Variants in CLHC1 observed in about 807,000 individuals in gnomAD.
CLHC1 encodes the protein clathrin heavy chain linker domain-containing protein 1.
CLHC1 carries 72 observed loss-of-function variants against 69.5 expected under a neutral mutation model. The ratio of observed to expected loss-of-function variants is 1.04; its 90% CI spans 0.86 to 1.26. The LOEUF (loss-of-function observed/expected upper bound fraction) is 1.26, where lower values mean the gene tolerates loss of function less well. CLHC1 is among the 50% of genes most tolerant of loss of function. The pLI is 0.00. For synonymous variants in CLHC1, 223 were observed against 224.3 expected (o/e 0.99, Z 0.05); for missense variants, 790 against 679.3 (o/e 1.16, Z -1.81).
intron 5 of CLHC1, among the ~76,000 whole-genome samples, chr2:55,211,327 C>G (rs1251451114): frequency 6.6e-6 from 1 of 151,744 alleles, no homozygotes; most frequent in East Asian, 1.9e-4. Flanking sequence ...CGGTGAAACC[C>G]CGTCTCTCCT....
Position 55,181,576 on chromosome 2 carries a change from T to C in CLHC1, c.1175A>G (p.Gln392Arg), listed in dbSNP as rs1212270868. ...RLDLVTNWVT[Q>R]ERLTFSEEAG... ...AAAGCTTAACTTTGCTTACCTTTCCTGTGTAACCCAATTGGTAACTAAATC... is the reference window on the plus strand; with the variant it reads ...AAAGCTTAACTTTGCTTACCTTTCCCGTGTAACCCAATTGGTAACTAAATC... The change falls in exon 10 of 13, where the codon CAG becomes CGG. Residue 392 changes from glutamine to arginine, a missense_variant. Gln to Arg is a conservative substitution (Grantham distance 43, BLOSUM62 1). Coordinates refer to ENST00000401408, the MANE Select transcript of CLHC1 (RefSeq NM_152385.4). The C allele has an allele frequency of 6.3e-7, 1 of 1,599,286 alleles. No individual in the cohort carries two copies. The highest frequency in any genetic ancestry group is 1.1e-5 in the South Asian group (1 of 87,610).
chr2:55,215,361 G>A lies in CLHC1; in HGVS notation c.365+2450C>T, dbSNP rs1673398974. 1.3e-5 allele frequency among the ~76,000 whole-genome samples: 2 copies of A among 152,088 alleles called. 1 individual carries two copies. Among genetic ancestry groups the A allele is most frequent in the Admixed American group, 1.3e-4 (2 of 15,264 alleles). ...TCTCTTCATTGTAGAGCTGTGATTAGACATAACAATATGACCTTCCCACTC... is the reference window on the plus strand; with the variant it reads ...TCTCTTCATTGTAGAGCTGTGATTAAACATAACAATATGACCTTCCCACTC... On this transcript the variant is annotated intron_variant, in intron 4 of 12. Transcript: ENST00000401408.
chr2:55,181,679 T>G lies in CLHC1; in HGVS notation c.1072A>C (p.Ser358Arg), dbSNP rs1394753135. ...LLFFEALFITSHAFPCPVDAA... is the reference protein window; with the variant it reads ...LLFFEALFITRHAFPCPVDAA... ...TCAACAGGACATGGAAAAGCATGAC[T>G]TGTGATAAAGAGGGCCTCAAAAAAT... is the stretch of plus-strand genomic sequence containing the variant. The change falls in exon 10 of 13, where the codon AGT becomes CGT. Residue 358 changes from serine to arginine, a missense_variant. Ser to Arg is a moderately radical substitution (Grantham distance 110). Transcript: ENST00000401408. 1.2e-6 allele frequency: 2 copies of G among 1,613,858 alleles called. No individual in the cohort carries two copies. The highest frequency in any genetic ancestry group is 1.7e-5 in the Admixed American group (1 of 60,000).
intron 9 of CLHC1, among the ~76,000 whole-genome samples, chr2:55,185,351 C>G (rs1670324732): frequency 6.6e-6 from 1 of 152,074 alleles, no homozygotes; most frequent in Non-Finnish European, 1.5e-5. Context: ...CTATTCCTCA[C>G]CCAGTCAGAT....
chr2:55,218,050 T>C (rs1673755248), intron 3 of CLHC1, 52 bp from the exon 4 acceptor site: 2 of 942,862 alleles, frequency 2.1e-6, no homozygotes, highest in Non-Finnish European at 3.0e-6. Context: ...TAGGAGGCTA[T>C]GGATTGAAAT....
intron 9 of CLHC1, among the ~76,000 whole-genome samples, chr2:55,185,855 T>C (rs1670367246): frequency 1.3e-5 from 2 of 152,246 alleles, no homozygotes; most frequent in South Asian, 4.1e-4. Context: ...CTGTGAACAT[T>C]ATTTTATTAG....
At position 55,181,236 on chromosome 2, in the gene CLHC1, C is replaced by T. The variant is rs181698988; in HGVS notation, c.1181+334G>A. Among the ~76,000 whole-genome samples the T allele has an allele frequency of 2.1e-4, 32 of 152,290 alleles. No homozygotes were observed. In the East Asian group the frequency reaches 6.2e-3, roughly 29 times the overall value. On this transcript the variant is annotated intron_variant, in intron 10 of 12. Transcript: ENST00000401408. ...CCTCAAGTCATCTGCCCACCTCGGACTCCCAAAATGCTGGGATTACAGGTG... is the reference window on the plus strand; with the variant it reads ...CCTCAAGTCATCTGCCCACCTCGGATTCCCAAAATGCTGGGATTACAGGTG...
chr2:55,196,727 C>T (rs1324896667), intron 9 of CLHC1, among the ~76,000 whole-genome samples: 1 of 152,194 alleles, frequency 6.6e-6, no homozygotes, highest in Non-Finnish European at 1.5e-5. Context: ...TTGGGTAAGA[C>T]TCTGAGATAT....
rs536772474 is a variant in CLHC1 at position 55,230,790 on chromosome 2, TG to T, written c.-256+1432del. 4.6e-5 allele frequency among the ~76,000 whole-genome samples: 7 copies of T among 152,254 alleles called. 1 individual carries two copies. In the South Asian group the frequency reaches 1.5e-3, roughly 32 times the overall value. On this transcript the variant is annotated intron_variant, in intron 1 of 12. Coordinates refer to ENST00000401408, the MANE Select transcript of CLHC1 (RefSeq NM_152385.4). ...GAAATGACCATTGAATTTAGCAACA[TG>T]GAGGTCATTAGTGACCATTACAAGA...
chr2:55,215,891 C>T (rs1216229935), intron 4 of CLHC1: 1 of 151,958 alleles, frequency 6.6e-6, no homozygotes, highest in African/African-American at 2.4e-5. Flanking sequence ...TAGTATTTTT[C>T]CCCAGTAGGA....
rs1553353361 is a variant in CLHC1, at chr2:55,208,865, C to CCTT, written c.815-156_815-155insAAG. 2.9e-4 allele frequency among the ~76,000 whole-genome samples: 26 copies of CCTT among 90,834 alleles called. 5 individuals are homozygous for CCTT. Among genetic ancestry groups the CCTT allele is most frequent in the African/African-American group, 2.4e-4 (6 of 24,998 alleles). The allele number at this position is 90,834 out of a possible 152,430, so 59.6% of individuals were successfully genotyped here. A position where few individuals can be genotyped will look rare whatever the true frequency, so the allele number is the denominator to read the frequency against. On this transcript the variant is annotated intron_variant, in intron 7 of 12. Coordinates refer to ENST00000401408, the MANE Select transcript of CLHC1 (RefSeq NM_152385.4). ...TTAGTGGCCTCCCCGTCCCTTTCCT[C>CCTT]TTTTTTTTTTTTTTTTTTTTTTTGA...
Position 55,209,645 on chromosome 2 carries a change from T to C in CLHC1, c.686A>G (p.Lys229Arg), listed in dbSNP as rs777337541. The change falls in exon 6 of 13, where the codon AAA becomes AGA. Residue 229 changes from lysine (K) to arginine (R), a missense_variant. Physicochemically the swap from Lys to Arg is conservative, Grantham distance 26. Coordinates refer to ENST00000401408, the MANE Select transcript of CLHC1 (RefSeq NM_152385.4). ...ACTTCCATACCAAAACTGCAATTTT[T>C]TGTTCAGATTTTCAGCTACATCTCG... The part of the protein sequence containing the change: ...KRRDVAENLN[K>R]KLQFCHQRLQ... 7 of 1,614,080 alleles carry C rather than the reference T, an allele frequency of 4.3e-6. No individual in the cohort carries two copies. In the Admixed American group the frequency reaches 1.2e-4, roughly 27 times the overall value.
At chr2:55,224,629 G>A (rs1042474745) in intron 2 of CLHC1, 1 of 253,588 alleles carries the variant, frequency 3.9e-6, no homozygotes, top group Non-Finnish European at 8.1e-6. Context: ...CCCCCGCAGT[G>A]CGGCGTTGGG....
intron 11 of CLHC1, among the ~76,000 whole-genome samples, chr2:55,179,525 CT>C: frequency 6.6e-6 from 1 of 152,270 alleles, no homozygotes; most frequent in Admixed American, 6.5e-5. Context: ...GATTCAACAA[CT>C]ACTAAAACTC....
chr2:55,200,701 C>T (rs752105667), intron 9 of CLHC1, among the ~76,000 whole-genome samples: 41 of 152,268 alleles, frequency 2.7e-4, no homozygotes, highest in Non-Finnish European at 2.5e-4. Flanking sequence ...GTTTACAGAA[C>T]GTATCACCCA....
chr2:55,209,594 C>T (rs368024480), intron 6 of CLHC1, 36 bp downstream of exon 6: 28 of 1,599,840 alleles, frequency 1.8e-5, no homozygotes, highest in Non-Finnish European at 2.2e-5. Context: ...ACAAATAAAA[C>T]TCCAAACTTT....
chr2:55,191,054 A>G (rs1461266100), intron 9 of CLHC1, among the ~76,000 whole-genome samples: 1 of 152,236 alleles, frequency 6.6e-6, no homozygotes, highest in Non-Finnish European at 1.5e-5. Context: ...AATGCAAACC[A>G]GAAGACAGTG....
chr2:55,225,568 A>T (rs1674611519), intron 2 of CLHC1: 1 of 152,054 alleles, frequency 6.6e-6, no homozygotes. Flanking sequence ...GGGCCCCTCC[A>T]ATCTGTCTCC....
intron 4 of CLHC1, among the ~76,000 whole-genome samples, chr2:55,217,334 A>T (rs1439949070): frequency 1.3e-5 from 2 of 150,546 alleles, no homozygotes; most frequent in African/African-American, 4.9e-5. Context: ...TGGGCAACAT[A>T]GTGAGACCCC....
Sources: allele counts gnomAD v4.1 joint callset (sites outside exome capture counted in the v4.1 genomes callset), GRCh38; gene constraint gnomAD v4.1.1; transcripts MANE v1.5; gene names NCBI Gene and HGNC (gene_info 2026-07-23, HGNC 2026-07-21).